Variants in KRABD4 observed in about 807,000 individuals in gnomAD.
The protein encoded by KRABD4 is KRAB domain containing 4.
chrX:46,461,535 A>G, the KRABD4 span, among the ~76,000 whole-genome samples: 1 of 111,488 alleles, frequency 9.0e-6, no homozygotes, highest in Non-Finnish European at 1.9e-5. Context: ...ACTGTGGCTG[A>G]TTTGGGCCTT....
chrX:46,474,394 T>C, the KRABD4 span: 1 of 111,216 alleles, frequency 9.0e-6, no homozygotes, highest in Non-Finnish European at 1.9e-5. Context: ...TAGAAATGGG[T>C]TCTGACAGCA....
chrX:46,460,855 A>G, the KRABD4 span, among the ~76,000 whole-genome samples: 1 of 106,709 alleles, frequency 9.4e-6, no homozygotes, highest in South Asian at 4.1e-4. Flanking sequence ...GATCAACTCA[A>G]CCTTCATCTC....
chrX:46,459,480 A>G, the KRABD4 span, among the ~76,000 whole-genome samples: 1 of 111,557 alleles, frequency 9.0e-6, no homozygotes, highest in African/African-American at 3.3e-5. Context: ...GTTATTTTGT[A>G]CACATTTAAA....
At chrX:46,463,502 C>T in the KRABD4 span, 1 of 483,963 alleles carries the variant, frequency 2.1e-6, no homozygotes, top group South Asian at 2.9e-5. Flanking sequence ...TTGGCATTCA[C>T]ATAGATTGTG....
At chrX:46,472,692 C>T in the KRABD4 span, 1 of 1,139,166 alleles carries the variant, frequency 8.8e-7, no homozygotes, top group Non-Finnish European at 1.2e-6. Context: ...TAATGTTATT[C>T]CATAACATTC....
chrX:46,462,885 G>A, the KRABD4 span: 33 of 1,209,695 alleles, frequency 2.7e-5, no homozygotes, highest in South Asian at 1.8e-4. Flanking sequence ...GTGAGGGACC[G>A]TGCCACAGGG....
At chrX:46,453,701 A>G in the KRABD4 span, among the ~76,000 whole-genome samples, 1 of 112,243 alleles carries the variant, frequency 8.9e-6, no homozygotes, top group Non-Finnish European at 1.9e-5. Flanking sequence ...TATTAACATA[A>G]TAGCTGCAGT....
the KRABD4 span, chrX:46,455,173 T>C: frequency 4.3e-5 from 43 of 1,009,970 alleles, no homozygotes; most frequent in Non-Finnish European, 2.2e-5. Flanking sequence ...AAGTAGAAGT[T>C]ATAACCACTT....
chrX:46,468,609 A>G, the KRABD4 span, among the ~76,000 whole-genome samples: 100 of 111,441 alleles, frequency 9.0e-4, no homozygotes, highest in Non-Finnish European at 1.8e-3. Context: ...ATCTAATGAA[A>G]ATTGAAAATT....
the KRABD4 span, among the ~76,000 whole-genome samples, chrX:46,449,768 T>C: frequency 8.9e-6 from 1 of 112,201 alleles, no homozygotes; most frequent in South Asian, 3.7e-4. Flanking sequence ...AATTTTTTTG[T>C]TTATTTGTTT....
chrX:46,467,286 CT>C, the KRABD4 span, among the ~76,000 whole-genome samples: 1 of 111,704 alleles, frequency 9.0e-6, no homozygotes, highest in Non-Finnish European at 1.9e-5. Flanking sequence ...GGTGTGGTGC[CT>C]CACGCCTGTA....
the KRABD4 span, chrX:46,457,296 TCAGATTAAACTGTATTAAAATGTTAAA>T: frequency 6.2e-6 from 1 of 161,269 alleles, no homozygotes; most frequent in African/African-American, 3.1e-5. Context: ...AGAAAGATTG[TCAGATTAAACTGTATTAAAATGTTAAA>T]ACCCGTAGAA....
At chrX:46,449,250 G>T in the KRABD4 span, among the ~76,000 whole-genome samples, 1 of 111,282 alleles carries the variant, frequency 9.0e-6, no homozygotes, top group Admixed American at 9.5e-5. Context: ...CAGGCACGGT[G>T]GTTTTCAGCC....
chrX:46,473,020 A>G, the KRABD4 span: 2 of 1,209,160 alleles, frequency 1.7e-6, no homozygotes, highest in African/African-American at 3.5e-5. Flanking sequence ...TGATGGATGT[A>G]AAGCATATTG....
At chrX:46,457,623 G>GTTTTTTT in the KRABD4 span, among the ~76,000 whole-genome samples, 4 of 75,277 alleles carry the variant, frequency 5.3e-5, no homozygotes, top group Admixed American at 1.5e-4. Flanking sequence ...GCCTTTCAGA[G>GTTTTTTT]TTTTTTTTTT....
At chrX:46,456,504 T>C in the KRABD4 span, 1 of 191,094 alleles carries the variant, frequency 5.2e-6, no homozygotes, top group Non-Finnish European at 1.1e-5. Context: ...AGCTCAGCTA[T>C]TTGCTGCCAT....
At chrX:46,457,835 C>T in the KRABD4 span, among the ~76,000 whole-genome samples, 19 of 109,985 alleles carry the variant, frequency 1.7e-4, no homozygotes, top group South Asian at 6.6e-3. Context: ...CTCCACTTCT[C>T]GGGTTCAAGC....
At chrX:46,462,440 G>A in the KRABD4 span, 86 of 258,813 alleles carry the variant, frequency 3.3e-4, no homozygotes, top group African/African-American at 2.2e-3. Context: ...AACCCGGGAG[G>A]CAGAGGTTGC....
the KRABD4 span, among the ~76,000 whole-genome samples, chrX:46,451,800 C>A: frequency 8.9e-6 from 1 of 112,230 alleles, no homozygotes; most frequent in African/African-American, 3.2e-5. Flanking sequence ...AAATTATAGA[C>A]CAGTTTCCCT....
Sources: gnomAD v4.1 joint callset for allele counts (sites outside exome capture counted in the v4.1 genomes callset) on GRCh38, gnomAD v4.1.1 for gene constraint, MANE v1.5 for transcripts, NCBI Gene and HGNC (gene_info 2026-07-23, HGNC 2026-07-21) for gene names.